The following CAMSAP2 variants were observed in gnomAD, a reference collection of about 807,000 sequenced individuals.
CAMSAP2 encodes the protein calmodulin-regulated spectrin-associated protein 2.
CAMSAP2 carries 26 observed loss-of-function variants against 146.1 expected under a neutral mutation model. The ratio of observed to expected loss-of-function variants is 0.18; its 90% CI spans 0.13 to 0.25. The LOEUF (loss-of-function observed/expected upper bound fraction) is 0.25, where lower values mean the gene tolerates loss of function less well. Ranked by LOEUF, CAMSAP2 falls within the 10% of genes least tolerant of loss-of-function variation. CAMSAP2 has a pLI of 1.00. For missense variants in CAMSAP2, 1,381 were observed against 1,759.3 expected (o/e 0.78, Z 3.85); for synonymous variants, 499 against 596.6 (o/e 0.84, Z 2.38).
At chr1:200,754,860 G>A (rs1664606136) in intron 1 of CAMSAP2, among the ~76,000 whole-genome samples, 1 of 152,050 alleles carries the variant, frequency 6.6e-6, no homozygotes, top group Non-Finnish European at 1.5e-5. Flanking sequence ...GGGATTACAG[G>A]CGTGAGCCAC....
chr1:200,844,811 C>G lies in CAMSAP2; in HGVS notation c.1051C>G (p.Pro351Ala). The change falls in exon 8 of 17, where the codon CCT (proline) becomes GCT (alanine). Residue 351 changes from proline to alanine, a missense_variant. Physicochemically the swap from Pro to Ala is conservative, Grantham distance 27 (BLOSUM62 -1). Coordinates refer to ENST00000358823, the MANE Select transcript of CAMSAP2 (RefSeq NM_203459.4). ...ACCTGTAAAAGATATGCCTTCAATTCCTGTCTTGAATGCTGCCAAAAGAAA... is the reference window on the plus strand; with the variant it reads ...ACCTGTAAAAGATATGCCTTCAATTGCTGTCTTGAATGCTGCCAAAAGAAA... ...AEPVKDMPSI[P>A]VLNAAKRNVL... The G allele has an allele frequency of 6.3e-7, 1 of 1,594,398 alleles. No individual in the cohort carries two copies. The highest frequency in any genetic ancestry group is 1.7e-4 in the Middle Eastern group (1 of 6,010).
At chr1:200,774,388 G>A (rs1665209778) in intron 2 of CAMSAP2, among the ~76,000 whole-genome samples, 1 of 152,120 alleles carries the variant, frequency 6.6e-6, no homozygotes. Flanking sequence ...AGAATGAGCT[G>A]TGTTACAAAG....
Position 200,859,912 on chromosome 1 carries a change from C to T in CAMSAP2, c.*1853C>T, listed in dbSNP as rs1283657655. On this transcript the variant is annotated 3_prime_UTR_variant, in exon 17 of 17. Transcript: ENST00000358823. ...AAAGGATAATTTAATAAGCATTTTA[C>T]GTTACTAAATTTGTTCATTTCAATA... The T allele has an allele frequency of 2.0e-5, 3 of 152,296 alleles. No homozygotes were observed. The highest frequency in any genetic ancestry group is 6.6e-5 in the Admixed American group (1 of 15,254). The allele number at this position is 152,296 out of a possible 1,614,324, so 9.4% of individuals were successfully genotyped here.
Position 200,859,139 on chromosome 1 carries a change from A to T in CAMSAP2, c.*1080A>T, listed in dbSNP as rs7520696. ...TCCTTTTCAAGTGGAATGGCTTAGA[A>T]TAAGTATACACTTGAAATCTCCTCT... is the stretch of plus-strand genomic sequence containing the variant. On this transcript the variant is annotated 3_prime_UTR_variant, in exon 17 of 17. Transcript: ENST00000358823. 0.32 allele frequency: 48,282 copies of T among 152,430 alleles called. 8,715 individuals carry two copies. The highest frequency in any genetic ancestry group is 0.52 in the East Asian group (2,753 of 5,306). 9.4% of individuals were successfully genotyped at this position (152,430 alleles called of 1,614,324 possible).
chr1:200,751,951 C>T (rs1459573025), intron 1 of CAMSAP2, among the ~76,000 whole-genome samples: 4 of 152,134 alleles, frequency 2.6e-5, no homozygotes, highest in South Asian at 2.1e-4. Flanking sequence ...GGTTTACTGA[C>T]GTGGAAGCAC....
chr1:200,804,734 A>G (rs1214629508), intron 2 of CAMSAP2, among the ~76,000 whole-genome samples: 3 of 152,228 alleles, frequency 2.0e-5, no homozygotes, highest in Non-Finnish European at 2.9e-5. Flanking sequence ...TCTGAGTGTG[A>G]AGGAAGAACT....
chr1:200,782,841 A>G (rs1012676000), intron 2 of CAMSAP2, among the ~76,000 whole-genome samples: 1 of 125,428 alleles, frequency 8.0e-6, no homozygotes, highest in African/African-American at 3.1e-5. Context: ...TCCAGGCTAG[A>G]GTACAGTGGC....
At chr1:200,836,621 TG>T (rs1308396933) in intron 6 of CAMSAP2, among the ~76,000 whole-genome samples, 2 of 152,234 alleles carry the variant, frequency 1.3e-5, no homozygotes, top group Admixed American at 6.5e-5. Flanking sequence ...ATGGGATTGC[TG>T]GGTTCAGTAG....
At chr1:200,802,186 CA>C (rs1266657334) in intron 2 of CAMSAP2, among the ~76,000 whole-genome samples, 3 of 152,216 alleles carry the variant, frequency 2.0e-5, no homozygotes, top group South Asian at 4.1e-4. Flanking sequence ...AATTCAATGG[CA>C]AAGTATTATT....
rs140556449 is a variant in CAMSAP2 at position 200,841,988 on chromosome 1, A to G, written c.928-6A>G. The stretch of plus-strand genomic sequence containing the variant: ...ATGTAGGCTTTCTCTTAAATTTCCT[A>G]TATAGAGTAATTATTTGGTGTTCAT... On this transcript the variant is annotated splice_region_variant and splice_polypyrimidine_tract_variant and intron_variant, in intron 6 of 16. Coordinates refer to ENST00000358823, the MANE Select transcript of CAMSAP2 (RefSeq NM_203459.4). The G allele has an allele frequency of 5.6e-6, 9 of 1,602,926 alleles. No individual in the cohort carries two copies. Among genetic ancestry groups the G allele is most frequent in the African/African-American group, 1.3e-5 (1 of 74,830 alleles).
rs994131980 is a variant in CAMSAP2 at position 200,738,923 on chromosome 1, C to G, written c.-905C>G. 6.7e-6 allele frequency among the ~76,000 whole-genome samples: 1 copy of G among 148,580 alleles called. No individual in the cohort carries two copies. The highest frequency in any genetic ancestry group is 1.5e-5 in the Non-Finnish European group (1 of 67,348). ...CCGCATCTGCTCCTTCATCCAGTGC[C>G]GCAGCCGGAAAACCGCAGCGGCGGC... On this transcript the variant is annotated 5_prime_UTR_variant, in exon 1 of 17. Transcript: ENST00000358823.
At chr1:200,827,954 A>G (rs1250292620) in intron 4 of CAMSAP2, among the ~76,000 whole-genome samples, 2 of 152,176 alleles carry the variant, frequency 1.3e-5, no homozygotes, top group African/African-American at 4.8e-5. Flanking sequence ...AATAACATTT[A>G]TATTCTCTTT....
Position 200,852,785 on chromosome 1 carries a change from T to G in CAMSAP2, c.3602+108T>G. The G allele has an allele frequency of 2.5e-6, 3 of 1,181,900 alleles. No homozygotes were observed. In the South Asian group the frequency reaches 5.7e-5, roughly 22 times the overall value. 73.2% of individuals were successfully genotyped at this position (1,181,900 alleles called of 1,614,324 possible). On this transcript the variant is annotated intron_variant, in intron 12 of 16. Coordinates refer to ENST00000358823, the MANE Select transcript of CAMSAP2 (RefSeq NM_203459.4). ...AGAGGTGGTCTCTCATTAATTTTTA[T>G]TAACAGATTTCTTTCAGAGAAGTTT...
chr1:200,849,414 A>C lies in CAMSAP2; in HGVS notation c.2645A>C (p.Lys882Thr), dbSNP rs1331533219. 1.2e-6 allele frequency: 2 copies of C among 1,614,086 alleles called. No individual in the cohort carries two copies. The highest frequency in any genetic ancestry group is 1.7e-6 in the Non-Finnish European group (2 of 1,180,034). The change falls in exon 11 of 17, where the codon AAA (lysine) becomes ACA (threonine). Residue 882 changes from lysine to threonine, a missense_variant. By Grantham distance (78) the Lys-to-Thr change is moderately conservative. Around this residue, in one of 4 missense-constraint regions of CAMSAP2, gnomAD observed 560 missense variants for 715.9 expected, o/e 0.78. Transcript: ENST00000358823. The surrounding 1 kb of genome is among the most constrained non-coding windows in gnomAD (Gnocchi z 6.3). Reference protein sequence around the residue: ...LNEGEILEYTKSIEKLNSSLH... With the variant: ...LNEGEILEYTTSIEKLNSSLH... ...GAAGGAGAGATTTTAGAATATACCA[A>C]ATCCATTGAAAAGTTAAATTCATCC...
At chr1:200,842,143 G>A (rs1177152813) in intron 7 of CAMSAP2, 56 bp downstream of exon 7, 18 of 1,278,186 alleles carry the variant, frequency 1.4e-5, no homozygotes, top group Non-Finnish European at 1.8e-5. Flanking sequence ...ATGGAATGTT[G>A]ATATAACCTT....
intron 4 of CAMSAP2, among the ~76,000 whole-genome samples, chr1:200,825,700 G>T (rs535545474): frequency 1.3e-5 from 2 of 152,148 alleles, no homozygotes; most frequent in Non-Finnish European, 2.9e-5. Context: ...TAGACACGGG[G>T]TTTCGCCATG....
chr1:200,741,127 A>G (rs933628071), intron 1 of CAMSAP2, among the ~76,000 whole-genome samples: 2 of 152,234 alleles, frequency 1.3e-5, no homozygotes, highest in South Asian at 4.1e-4. Flanking sequence ...TACACATCCT[A>G]CTTAAATAGC....
At chr1:200,822,969 C>T (rs1014459188) in intron 4 of CAMSAP2, among the ~76,000 whole-genome samples, 2 of 152,082 alleles carry the variant, frequency 1.3e-5, no homozygotes, top group Non-Finnish European at 2.9e-5. Context: ...AAGGGGGGGA[C>T]AGCTATATTA....
chr1:200,812,610 C>G (rs745478769), intron 3 of CAMSAP2, among the ~76,000 whole-genome samples: 4 of 152,052 alleles, frequency 2.6e-5, no homozygotes, highest in Non-Finnish European at 4.4e-5. Context: ...AACCCAGTTG[C>G]CTTTTTTCCT....
Sources: allele counts gnomAD v4.1 joint callset (sites outside exome capture counted in the v4.1 genomes callset), GRCh38; gene constraint gnomAD v4.1.1; regional missense constraint gnomAD v4.1.1; non-coding constraint Gnocchi (gnomAD v3.1); transcripts MANE v1.5; gene names NCBI Gene and HGNC (gene_info 2026-07-23, HGNC 2026-07-21).